DOCK2: variants seen among roughly 807,000 people sequenced by gnomAD.
DOCK2 encodes the protein dedicator of cytokinesis protein 2.
A neutral mutation model predicts 248.9 loss-of-function variants in DOCK2; 87 were observed. The observed-to-expected ratio is 0.35, with a 90% CI of 0.29 to 0.42. The LOEUF is 0.42. DOCK2 is among the 10% of genes least tolerant of loss of function. The pLI, the probability that DOCK2 is intolerant of heterozygous loss-of-function variation, is 1.00. For missense variants in DOCK2, 1,747 were observed against 2,300.2 expected (o/e 0.76, Z 4.92); for synonymous variants, 805 against 821.6 (o/e 0.98, Z 0.35).
chr5:169,806,289 G>T, intron 26 of DOCK2, among the ~76,000 whole-genome samples: 1 of 130,710 alleles, frequency 7.7e-6, no homozygotes. Context: ...ATAGGTACCA[G>T]CCACCACACT....
rs1015382341 is a variant in DOCK2 at position 169,715,261 on chromosome 5, A to G, written c.1941+804A>G. On this transcript the variant is annotated intron_variant, in intron 19 of 51. Coordinates refer to ENST00000520908, the MANE Select transcript of DOCK2 (RefSeq NM_004946.3). Reference sequence around the variant, plus strand: ...TATGAATTGGGACAAGTGTTTCCCAATGGTCCTGGAGATCTTGTTTCCTTG... The same window carrying G: ...TATGAATTGGGACAAGTGTTTCCCAGTGGTCCTGGAGATCTTGTTTCCTTG... Among the ~76,000 whole-genome samples, 7 of 152,334 alleles carry G rather than the reference A, an allele frequency of 4.6e-5. No homozygotes were observed. In the South Asian group the frequency reaches 1.0e-3, roughly 23 times the overall value.
intron 27 of DOCK2, among the ~76,000 whole-genome samples, chr5:169,929,011 G>A (rs1775614063): frequency 6.6e-6 from 1 of 152,176 alleles, no homozygotes; most frequent in African/African-American, 2.4e-5. Flanking sequence ...TATGTGTTCT[G>A]TTCATCTTTG....
intron 26 of DOCK2, among the ~76,000 whole-genome samples, chr5:169,805,947 G>A (rs1767330015): frequency 6.6e-6 from 1 of 152,170 alleles, no homozygotes; most frequent in Non-Finnish European, 1.5e-5. Context: ...GTCTTTGCTG[G>A]ATGAGTTATT....
chr5:169,861,095 A>G (rs1771169883), intron 27 of DOCK2, among the ~76,000 whole-genome samples: 1 of 152,184 alleles, frequency 6.6e-6, no homozygotes, highest in Admixed American at 6.5e-5. Flanking sequence ...CCATTTATTC[A>G]TGCTGCCTCC....
intron 6 of DOCK2, among the ~76,000 whole-genome samples, chr5:169,681,470 A>T (rs1181823215): frequency 6.6e-6 from 1 of 151,550 alleles, no homozygotes; most frequent in Non-Finnish European, 1.5e-5. Flanking sequence ...ACAAGTCTGC[A>T]ACACATCCTA....
In DOCK2 at chr5:169,867,516, TATCTATC is replaced by T. The variant is rs577817846; in HGVS notation, c.2799+26681_2799+26687del. On this transcript the variant is annotated intron_variant, in intron 27 of 51. Transcript: ENST00000520908. ...ATCTATCATCTATTATCTATTTATC[TATCTATC>T]ATCTATCATCTATCATGTATCTATC... Among the ~76,000 whole-genome samples, 421 of 151,746 alleles carry T rather than the reference TATCTATC, an allele frequency of 2.8e-3. 1 individual carries two copies. Among genetic ancestry groups the T allele is most frequent in the Non-Finnish European group, 3.9e-3 (262 of 67,870 alleles).
At chr5:169,637,485 C>A in intron 1 of DOCK2, 116 bp downstream of exon 1, 1 of 1,161,326 alleles carries the variant, frequency 8.6e-7, no homozygotes, top group South Asian at 2.9e-5. Context: ...GCCTGCAGGT[C>A]AGAGGGCGCA....
At chr5:169,902,116 T>A (rs1773961748) in intron 27 of DOCK2, among the ~76,000 whole-genome samples, 1 of 151,866 alleles carries the variant, frequency 6.6e-6, no homozygotes, top group African/African-American at 2.4e-5. Context: ...ATCTGTAGGG[T>A]TAATGCCATC....
chr5:169,890,489 A>G (rs1428317639), intron 27 of DOCK2, among the ~76,000 whole-genome samples: 3 of 152,150 alleles, frequency 2.0e-5, no homozygotes, highest in East Asian at 3.9e-4. Flanking sequence ...TATCTTTCCA[A>G]TTTGAAATTT....
At chr5:169,958,494 C>A (rs1776954552) in intron 27 of DOCK2, among the ~76,000 whole-genome samples, 1 of 152,140 alleles carries the variant, frequency 6.6e-6, no homozygotes, top group Non-Finnish European at 1.5e-5. Flanking sequence ...TTTCCATACA[C>A]AGAAAGGGCA....
intron 27 of DOCK2, among the ~76,000 whole-genome samples, chr5:169,935,956 T>C (rs17737968): frequency 0.015 from 2,236 of 152,278 alleles, 80 homozygotes; most frequent in East Asian, 0.13. Context: ...TAACCACAAC[T>C]AATAAAAGGC....
At chr5:169,708,909 T>A (rs1022713130) in intron 15 of DOCK2, among the ~76,000 whole-genome samples, 8 of 152,208 alleles carry the variant, frequency 5.3e-5, no homozygotes, top group Non-Finnish European at 1.0e-4. Context: ...GTTCTGTGCA[T>A]AGACCCTAGG....
intron 36 of DOCK2, among the ~76,000 whole-genome samples, chr5:170,038,625 A>G (rs1294198594): frequency 6.6e-6 from 1 of 152,136 alleles, no homozygotes; most frequent in Non-Finnish European, 1.5e-5. Flanking sequence ...TCATCACGAC[A>G]TCATCTCTAT....
At chr5:169,959,454 A>T (rs539007525) in intron 27 of DOCK2, among the ~76,000 whole-genome samples, 7 of 152,260 alleles carry the variant, frequency 4.6e-5, no homozygotes, top group African/African-American at 7.2e-5. Context: ...AACTGGTGTG[A>T]TGGCTTGATG....
intron 30 of DOCK2, among the ~76,000 whole-genome samples, chr5:170,003,089 A>G (rs1044899287): frequency 2.6e-5 from 4 of 152,230 alleles, no homozygotes; most frequent in Non-Finnish European, 4.4e-5. Context: ...TGTGGAGCTT[A>G]CAATTGGAGA....
intron 25 of DOCK2, among the ~76,000 whole-genome samples, chr5:169,796,212 T>C (rs1220752044): frequency 6.6e-6 from 1 of 152,184 alleles, no homozygotes; most frequent in African/African-American, 2.4e-5. Flanking sequence ...TACCGTGCAC[T>C]ACACTCCAGA....
chr5:170,066,635 C>A (rs745860604), intron 44 of DOCK2, among the ~76,000 whole-genome samples: 3 of 152,164 alleles, frequency 2.0e-5, no homozygotes, highest in Non-Finnish European at 2.9e-5. Context: ...CAGTATAGAT[C>A]GTGTGTTAGA....
intron 27 of DOCK2, among the ~76,000 whole-genome samples, chr5:169,968,943 G>A (rs891682991): frequency 6.6e-6 from 1 of 152,170 alleles, no homozygotes; most frequent in African/African-American, 2.4e-5. Context: ...GAGTCTAGGA[G>A]TTTGAGACTA....
chr5:170,080,353 A>C (rs747378327), intron 50 of DOCK2, 70 bp downstream of exon 50: 8 of 1,595,882 alleles, frequency 5.0e-6, no homozygotes, highest in African/African-American at 1.3e-5. Flanking sequence ...TGGGTGGAGG[A>C]TGGATGGGAA....
Sources: allele counts gnomAD v4.1 joint callset (sites outside exome capture counted in the v4.1 genomes callset), GRCh38; gene constraint gnomAD v4.1.1; transcripts MANE v1.5; gene names NCBI Gene and HGNC (gene_info 2026-07-23, HGNC 2026-07-21).